Variants in RANBP17 observed in about 807,000 individuals in gnomAD.
RANBP17 encodes the protein RAN binding protein 17.
A neutral mutation model predicts 141.2 loss-of-function variants in RANBP17; 158 were observed. The observed-to-expected ratio is 1.12, with a 90% CI of 0.98 to 1.28. The LOEUF (loss-of-function observed/expected upper bound fraction) is 1.28. RANBP17 is among the 50% of genes most tolerant of loss of function. The pLI is 0.00. For synonymous variants in RANBP17, 430 were observed against 450.0 expected, an observed-to-expected ratio of 0.96 and a Z score of 0.56; for missense variants, 1,438 against 1,290.7, an observed-to-expected ratio of 1.11 and a Z score of -1.75.
At position 170,996,905 on chromosome 5, in the gene RANBP17, G is replaced by T. The variant is rs78556930; in HGVS notation, c.1710+28528G>T. Among the ~76,000 whole-genome samples the T allele has an allele frequency of 2.6e-3, 393 of 152,252 alleles. 7 individuals are homozygous for T. The East Asian group carries it at 0.042, about 16-fold the overall frequency. On this transcript the variant is annotated intron_variant, in intron 14 of 27. Coordinates refer to ENST00000523189, the MANE Select transcript of RANBP17 (RefSeq NM_022897.5). The stretch of plus-strand genomic sequence containing the variant: ...TGCATTTTGACTCCAAATCTTCAGT[G>T]TGATGTGTCTAGAAAGGTGATTAAA...
rs1184273592 is a variant in RANBP17 at position 170,924,520 on chromosome 5, G to A, written c.1438G>A (p.Gly480Ser). The A allele has an allele frequency of 1.9e-6, 3 of 1,607,186 alleles. No individual in the cohort carries two copies. Among genetic ancestry groups the A allele is most frequent in the African/African-American group, 2.7e-5 (2 of 74,790 alleles). The change falls in exon 12 of 28, where the codon GGT (glycine) becomes AGT (serine). Residue 480 changes from glycine to serine, a missense_variant. Physicochemically the swap from Gly to Ser is moderately conservative, Grantham distance 56 (BLOSUM62 0). Coordinates refer to ENST00000523189, the MANE Select transcript of RANBP17 (RefSeq NM_022897.5). The part of the protein sequence containing the change: ...NYQKLLHPYS[G>S]VTVDITIQEG... ...CCAAAAACTTCTGCATCCATATTCT[G>A]GTGTAACTGTGGACATCACCATTCA...
intron 22 of RANBP17, among the ~76,000 whole-genome samples, chr5:171,236,831 G>T (rs1484191861): frequency 6.6e-6 from 1 of 152,182 alleles, no homozygotes; most frequent in African/African-American, 2.4e-5. Flanking sequence ...TACCTAGATA[G>T]TAAGGAAAGA....
At chr5:171,115,298 TCCC>T (rs1755540543) in intron 14 of RANBP17, among the ~76,000 whole-genome samples, 1 of 152,180 alleles carries the variant, frequency 6.6e-6, no homozygotes, top group African/African-American at 2.4e-5. Context: ...CAAATTCTAC[TCCC>T]ATTATGAAAT....
chr5:171,030,887 G>A (rs1051433552), intron 14 of RANBP17, among the ~76,000 whole-genome samples: 1 of 151,914 alleles, frequency 6.6e-6, no homozygotes, highest in African/African-American at 2.4e-5. Context: ...TATCTGACTG[G>A]CTTTGGAAAT....
intron 14 of RANBP17, among the ~76,000 whole-genome samples, chr5:171,045,854 T>C (rs2127642496): frequency 6.6e-6 from 1 of 152,246 alleles, no homozygotes; most frequent in South Asian, 2.1e-4. Flanking sequence ...AAATAAAGCC[T>C]CCCTCATGGT....
At chr5:170,928,961 A>G (rs907762079) in intron 12 of RANBP17, among the ~76,000 whole-genome samples, 2 of 151,982 alleles carry the variant, frequency 1.3e-5, no homozygotes, top group African/African-American at 4.8e-5. Context: ...TTTTCTTTGC[A>G]ATATTTTATT....
At chr5:170,935,707 T>G (rs1330903793) in intron 12 of RANBP17, among the ~76,000 whole-genome samples, 1 of 152,132 alleles carries the variant, frequency 6.6e-6, no homozygotes, top group Non-Finnish European at 1.5e-5. Flanking sequence ...GCCCCCCTAC[T>G]GGGAGGTGCC....
chr5:171,069,685 T>C (rs1046473697), intron 14 of RANBP17, among the ~76,000 whole-genome samples: 1 of 152,198 alleles, frequency 6.6e-6, no homozygotes, highest in Non-Finnish European at 1.5e-5. Context: ...TTTGCCCAAC[T>C]TTAGACTAAT....
At chr5:170,965,779 C>T (rs1776511617) in intron 13 of RANBP17, among the ~76,000 whole-genome samples, 1 of 152,080 alleles carries the variant, frequency 6.6e-6, no homozygotes. Context: ...GGTACCAGTA[C>T]CATGCTGTTT....
chr5:171,162,475 C>T (rs1759421052), intron 14 of RANBP17, among the ~76,000 whole-genome samples: 1 of 152,146 alleles, frequency 6.6e-6, no homozygotes, highest in South Asian at 2.1e-4. Context: ...GTAAGGCAAA[C>T]AGCCAGCTTC....
chr5:171,251,013 C>T (rs1765522701), intron 24 of RANBP17, among the ~76,000 whole-genome samples: 1 of 152,220 alleles, frequency 6.6e-6, no homozygotes, highest in South Asian at 2.1e-4. Flanking sequence ...TACTCAACTA[C>T]AGAATATACA....
At chr5:171,102,233 C>G (rs1179772813) in intron 14 of RANBP17, among the ~76,000 whole-genome samples, 1 of 152,122 alleles carries the variant, frequency 6.6e-6, no homozygotes, top group Admixed American at 6.5e-5. Context: ...GTACCCCAAG[C>G]AAATGTAGGT....
At chr5:171,093,091 T>G (rs1208217612) in intron 14 of RANBP17, among the ~76,000 whole-genome samples, 2 of 151,806 alleles carry the variant, frequency 1.3e-5, no homozygotes, top group African/African-American at 4.8e-5. Context: ...AAGCCCATAA[T>G]CCCAGCTACT....
At chr5:171,061,829 T>C (rs1783887941) in intron 14 of RANBP17, among the ~76,000 whole-genome samples, 2 of 152,212 alleles carry the variant, frequency 1.3e-5, no homozygotes, top group Non-Finnish European at 2.9e-5. Context: ...AGGACTTGCT[T>C]TATGAATCTG....
chr5:171,003,237 T>A (rs1779353243), intron 14 of RANBP17, among the ~76,000 whole-genome samples: 1 of 152,020 alleles, frequency 6.6e-6, no homozygotes, highest in Non-Finnish European at 1.5e-5. Flanking sequence ...ATGAAAACAG[T>A]TAGGATGAGT....
chr5:171,270,941 G>C (rs1285788325), intron 25 of RANBP17, among the ~76,000 whole-genome samples: 1 of 151,916 alleles, frequency 6.6e-6, no homozygotes, highest in South Asian at 2.1e-4. Context: ...AGAGCAGTTA[G>C]GGTTGAATTC....
At chr5:171,231,991 A>G (rs1421196933) in intron 22 of RANBP17, among the ~76,000 whole-genome samples, 1 of 152,198 alleles carries the variant, frequency 6.6e-6, no homozygotes, top group African/African-American at 2.4e-5. Context: ...ATAAATTGCA[A>G]CCATTAAAAA....
chr5:171,269,294 C>T (rs1484619011), intron 25 of RANBP17, among the ~76,000 whole-genome samples: 1 of 152,104 alleles, frequency 6.6e-6, no homozygotes, highest in Non-Finnish European at 1.5e-5. Context: ...TTGACTCTTC[C>T]CTTTATGAGG....
intron 14 of RANBP17, among the ~76,000 whole-genome samples, chr5:171,042,962 T>A (rs1312570231): frequency 1.3e-5 from 2 of 152,138 alleles, no homozygotes; most frequent in Non-Finnish European, 2.9e-5. Flanking sequence ...AGATTGTACT[T>A]AGTGGGCACA....
Sources: gnomAD v4.1 joint callset for allele counts (sites outside exome capture counted in the v4.1 genomes callset) on GRCh38, gnomAD v4.1.1 for gene constraint, MANE v1.5 for transcripts, NCBI Gene and HGNC (gene_info 2026-07-23, HGNC 2026-07-21) for gene names.